IQCB1: variants seen among roughly 807,000 people sequenced by gnomAD.
IQCB1 encodes the protein IQ motif containing B1.
Under a neutral mutation model 84.4 loss-of-function variants are expected in IQCB1, and 56 were observed. That is an observed-to-expected ratio of 0.66 (90% confidence interval 0.54 to 0.83). The LOEUF (loss-of-function observed/expected upper bound fraction) is 0.83. Among genes scored for constraint, IQCB1 ranks in the 40% least tolerant of loss-of-function variants. The pLI is 0.00. For synonymous variants in IQCB1, 210 were observed against 234.8 expected, an observed-to-expected ratio of 0.89 and a Z score of 0.96; for missense variants, 629 against 682.1, an observed-to-expected ratio of 0.92 and a Z score of 0.87.
chr3:121,791,179 T>A (rs1948953521), intron 10 of IQCB1, among the ~76,000 whole-genome samples: 1 of 152,204 alleles, frequency 6.6e-6, no homozygotes, highest in Admixed American at 6.5e-5. Flanking sequence ...GACATGTGTC[T>A]CCCTCAAGAA....
chr3:121,798,416 T>C (rs981947985), intron 8 of IQCB1, among the ~76,000 whole-genome samples: 4 of 151,892 alleles, frequency 2.6e-5, no homozygotes, highest in Non-Finnish European at 5.9e-5. Context: ...GAAAAATAGA[T>C]TATAATACAT....
chr3:121,817,408 C>T (rs1410082389), intron 5 of IQCB1, among the ~76,000 whole-genome samples: 1 of 150,268 alleles, frequency 6.7e-6, no homozygotes. Context: ...ACATATATCC[C>T]AGAACTGAAA....
intron 5 of IQCB1, among the ~76,000 whole-genome samples, chr3:121,810,262 A>G (rs1333582428): frequency 1.3e-5 from 2 of 152,198 alleles, no homozygotes; most frequent in Non-Finnish European, 2.9e-5. Context: ...ATGTCCCACC[A>G]TATGATCTAC....
intron 13 of IQCB1, among the ~76,000 whole-genome samples, chr3:121,773,211 G>T (rs1948078205): frequency 6.6e-6 from 1 of 151,752 alleles, no homozygotes; most frequent in Non-Finnish European, 1.5e-5. Flanking sequence ...CTACTCGGGA[G>T]GCTGAGGCGG....
In IQCB1 at chr3:121,824,688, G is replaced by T. The variant is rs538054398; in HGVS notation, c.393+1363C>A. ...CAGAAGATATAATATTCCTAAATGT[G>T]TATGTATCTAATCACAGAGCTTTGT... On this transcript the variant is annotated intron_variant, in intron 5 of 14. Transcript: ENST00000310864. 2.0e-5 allele frequency among the ~76,000 whole-genome samples: 3 copies of T among 151,222 alleles called. No homozygotes were observed. The East Asian group carries it at 5.8e-4, about 29-fold the overall frequency.
intron 12 of IQCB1, 69 bp from the exon 13 acceptor site, chr3:121,781,943 A>T: frequency 6.8e-7 from 1 of 1,467,142 alleles, no homozygotes; most frequent in Non-Finnish European, 9.5e-7. Flanking sequence ...TCTCACTACA[A>T]CATATGGTAG....
chr3:121,819,246 G>A (rs1370810270), intron 5 of IQCB1, among the ~76,000 whole-genome samples: 2 of 152,168 alleles, frequency 1.3e-5, no homozygotes, highest in Non-Finnish European at 2.9e-5. Context: ...AGTGATGGGA[G>A]ACAGTGACAA....
At chr3:121,811,218 G>A (rs1949815905) in intron 5 of IQCB1, among the ~76,000 whole-genome samples, 1 of 152,126 alleles carries the variant, frequency 6.6e-6, no homozygotes, top group African/African-American at 2.4e-5. Context: ...AGGGAAGGGA[G>A]GGACTGTGCT....
chr3:121,815,401 T>G (rs952643145), intron 5 of IQCB1, among the ~76,000 whole-genome samples: 1 of 152,196 alleles, frequency 6.6e-6, no homozygotes, highest in Non-Finnish European at 1.5e-5. Flanking sequence ...GTATTGGATG[T>G]TCTGGCCAGG....
At chr3:121,771,971 C>A (rs9681049) in intron 14 of IQCB1, among the ~76,000 whole-genome samples, 2 of 151,708 alleles carry the variant, frequency 1.3e-5, no homozygotes, top group African/African-American at 4.8e-5. Flanking sequence ...GTCAAGAGAT[C>A]GAGACCATCC....
chr3:121,834,348 T>C (rs1056656941), intron 2 of IQCB1, 43 bp downstream of exon 2: 4 of 152,158 alleles, frequency 2.6e-5, no homozygotes, highest in Admixed American at 2.0e-4. Context: ...TTCATGAAAT[T>C]TGACACAAAA....
chr3:121,817,011 A>T (rs949707403), intron 5 of IQCB1, among the ~76,000 whole-genome samples: 1 of 152,208 alleles, frequency 6.6e-6, no homozygotes, highest in South Asian at 2.1e-4. Context: ...AACCAAACCA[A>T]ATGCCCATCA....
At position 121,781,842 on chromosome 3, in the gene IQCB1, T is replaced by C. The variant is rs142536967; in HGVS notation, c.1311A>G (p.Lys437=). Residue 437 remains lysine, a synonymous_variant, in exon 13 of 15, where the codon AAA becomes AAG. Coordinates refer to ENST00000310864, the MANE Select transcript of IQCB1 (RefSeq NM_001023570.4). ...ALKFLAKCRK[K]KKLFAPWRGL... is the part of the protein sequence containing the mutation. ...CTCGCCAAGGAGCAAATAGTTTCTT[T>C]TTCTTACGGCACTTCGCTAGGAATT... 304 of 1,613,950 alleles carry C rather than the reference T, an allele frequency of 1.9e-4. 1 individual carries two copies. The East Asian group carries it at 5.7e-3, about 30-fold the overall frequency.
intron 14 of IQCB1, among the ~76,000 whole-genome samples, chr3:121,772,098 G>A (rs552133442): frequency 1.3e-5 from 2 of 152,066 alleles, no homozygotes; most frequent in East Asian, 1.9e-4. Flanking sequence ...TCGCTTGAAC[G>A]TGGGAGGCGG....
Position 121,797,476 on chromosome 3 carries a change from C to A in IQCB1, c.767-249G>T, listed in dbSNP as rs1305781318. Among the ~76,000 whole-genome samples, 6 of 122,568 alleles carry A rather than the reference C, an allele frequency of 4.9e-5. No individual in the cohort carries two copies. The highest frequency in any genetic ancestry group is 8.8e-5 in the Admixed American group (1 of 11,410). The allele number at this position is 122,568 out of a possible 152,430, so 80.4% of individuals were successfully genotyped here. ...ATAAAAAAAAAAAAATCTGTCTAGA[C>A]AATCTCTTTAATAAAAAAAAAAAAA... On this transcript the variant is annotated intron_variant, in intron 8 of 14. Transcript: ENST00000310864.
At position 121,788,339 on chromosome 3, in the gene IQCB1, T is replaced by C; in HGVS notation, c.1223A>G (p.His408Arg). The C allele has an allele frequency of 6.2e-7, 1 of 1,613,922 alleles. No homozygotes were observed. Among genetic ancestry groups the C allele is most frequent in the East Asian group, 2.2e-5 (1 of 44,844 alleles). Residue 408 changes from histidine (H) to arginine (R), a missense_variant, in exon 12 of 15, where the codon CAC (histidine) becomes CGC (arginine). His to Arg is a conservative substitution (Grantham distance 29). Transcript: ENST00000310864. Reference sequence around the variant, plus strand: ...CTCTATGAGAGACTGCCTCTGTTGGTGAAAATTTTTCCTTTCCCTGTACCC... The same window carrying C: ...CTCTATGAGAGACTGCCTCTGTTGGCGAAAATTTTTCCTTTCCCTGTACCC... Reference protein sequence around the residue: ...WRGYRERKNFHQQRQSLIEYK... With the variant: ...WRGYRERKNFRQQRQSLIEYK...
At chr3:121,793,713 T>C (rs1422838089) in intron 10 of IQCB1, among the ~76,000 whole-genome samples, 1 of 152,208 alleles carries the variant, frequency 6.6e-6, no homozygotes, top group Non-Finnish European at 1.5e-5. Flanking sequence ...GCTTCACAGC[T>C]TATCTTTTTA....
intron 7 of IQCB1, among the ~76,000 whole-genome samples, chr3:121,802,636 A>G (rs554145070): frequency 6.6e-6 from 1 of 152,082 alleles, no homozygotes; most frequent in Non-Finnish European, 1.5e-5. Flanking sequence ...TTATTTCTCT[A>G]TCACGTTTGC....
chr3:121,800,972 G>T (rs1216996332), intron 7 of IQCB1, among the ~76,000 whole-genome samples: 2 of 151,874 alleles, frequency 1.3e-5, no homozygotes, highest in African/African-American at 4.8e-5. Context: ...TCCTAGACTT[G>T]TTTGTATCTG....
Sources: allele counts gnomAD v4.1 joint callset (sites outside exome capture counted in the v4.1 genomes callset), GRCh38; gene constraint gnomAD v4.1.1; transcripts MANE v1.5; gene names NCBI Gene and HGNC (gene_info 2026-07-23, HGNC 2026-07-21).